The following KRTAP5-2 variants were observed in gnomAD, a reference collection of about 807,000 sequenced individuals.
The protein encoded by KRTAP5-2 is keratin associated protein 5-2.
For synonymous variants in KRTAP5-2, 79 were observed against 82.7 expected (o/e 0.96, Z 0.24); for missense variants, 188 against 212.8 (o/e 0.88, Z 0.73).
At position 1,597,861 on chromosome 11, in the gene KRTAP5-2, T is replaced by C. The variant is rs1454254859; in HGVS notation, c.390A>G (p.Ser130=). The C allele has an allele frequency of 6.2e-7, 1 of 1,613,054 alleles. No homozygotes were observed. Among genetic ancestry groups the C allele is most frequent in the African/African-American group, 1.3e-5 (1 of 74,488 alleles). ...TGCAGCAGCTGGACTGGCAGCAGGA[T>C]GATCCACAGCCTGAGGAGCAGCAAC... ...KPCCCSSGCG[S]SCCQSSCCKP... Residue 130 remains serine (S), a synonymous_variant, in exon 1 of 1, where the codon TCA becomes TCG. Coordinates refer to ENST00000412090, the MANE Select transcript of KRTAP5-2 (RefSeq NM_001004325.2).
Position 1,597,595 on chromosome 11 carries a change from T to C in KRTAP5-2, c.*122A>G. The C allele has an allele frequency of 6.8e-7, 1 of 1,473,372 alleles. No homozygotes were observed. Among genetic ancestry groups the C allele is most frequent in the South Asian group, 1.3e-5 (1 of 79,342 alleles). The allele number at this position is 1,473,372 out of a possible 1,614,324, so 91.3% of individuals were successfully genotyped here. A position where few individuals can be genotyped will look rare whatever the true frequency, so the allele number is the denominator to read the frequency against. ...TGAGCCATGGAAGGAGGTGTGTGCATGGATGGTGAGCTAGAGCAGGTGCAG... is the reference window on the plus strand; with the variant it reads ...TGAGCCATGGAAGGAGGTGTGTGCACGGATGGTGAGCTAGAGCAGGTGCAG... On this transcript the variant is annotated 3_prime_UTR_variant, in exon 1 of 1. Coordinates refer to ENST00000412090, the MANE Select transcript of KRTAP5-2 (RefSeq NM_001004325.2).
rs549555085 is a variant in KRTAP5-2 at position 1,597,912 on chromosome 11, G to A, written c.339C>T (p.Cys113=). 5 of 1,613,270 alleles carry A rather than the reference G, an allele frequency of 3.1e-6. No individual in the cohort carries two copies. The East Asian group carries it at 8.9e-5, about 29-fold the overall frequency. The change falls in exon 1 of 1, where the codon TGC becomes TGT. Residue 113 remains cysteine, a synonymous_variant. Coordinates refer to ENST00000412090, the MANE Select transcript of KRTAP5-2 (RefSeq NM_001004325.2). ...GSKGGCGSCG[C]SQSSCCKPCC... ...AGGGCTTACAACAGCTGGACTGGGA[G>A]CAGCCACAAGAACCACAGCCCCCCT...
At position 1,597,723 on chromosome 11, in the gene KRTAP5-2, C is replaced by T. The variant is rs771042603; in HGVS notation, c.528G>A (p.Lys176=). 1.4e-5 allele frequency: 22 copies of T among 1,614,210 alleles called. No individual in the cohort carries two copies. Among genetic ancestry groups the T allele is most frequent in the Non-Finnish European group, 1.7e-5 (20 of 1,180,028 alleles). ...NCCVPVCCQC[K]I is the part of the protein sequence containing the mutation. ...AAGGTCTGGGTCCAGAGCCTCAGATCTTACACTGGCAGCACACAGGGACAC... is the reference window on the plus strand; with the variant it reads ...AAGGTCTGGGTCCAGAGCCTCAGATTTTACACTGGCAGCACACAGGGACAC... Residue 176 remains lysine (K), a synonymous_variant, in exon 1 of 1, where the codon AAG becomes AAA. Transcript: ENST00000412090.
rs1452068834 is a variant in KRTAP5-2 at position 1,597,844 on chromosome 11, C to T, written c.407G>A (p.Ser136Asn). The T allele has an allele frequency of 6.2e-7, 1 of 1,613,990 alleles. No homozygotes were observed. Among genetic ancestry groups the T allele is most frequent in the East Asian group, 2.2e-5 (1 of 44,888 alleles). The change falls in exon 1 of 1, where the codon AGC becomes AAC. Residue 136 changes from serine to asparagine, a missense_variant. Transcript: ENST00000412090. ...SGCGSSCCQS[S>N]CCKPCCCQSS... The stretch of plus-strand genomic sequence containing the variant: ...CTGGCAGCAGCAGGGCTTGCAGCAG[C>T]TGGACTGGCAGCAGGATGATCCACA...
Position 1,597,710 on chromosome 11 carries a change from C to T in KRTAP5-2, c.*7G>A. 1 of 1,614,118 alleles carries T rather than the reference C, an allele frequency of 6.2e-7. No homozygotes were observed. The highest frequency in any genetic ancestry group is 1.3e-5 in the African/African-American group (1 of 75,034). On this transcript the variant is annotated 3_prime_UTR_variant, in exon 1 of 1. Coordinates refer to ENST00000412090, the MANE Select transcript of KRTAP5-2 (RefSeq NM_001004325.2). ...CAGGAGAAACCTGAAGGTCTGGGTC[C>T]AGAGCCTCAGATCTTACACTGGCAG...
chr11:1,597,790 T>C lies in KRTAP5-2; in HGVS notation c.461A>G (p.Gln154Arg). ...GCAACAGGGCTTGCAGCAGCTGGAC[T>C]GGCAGCACACGGGGACACAGCAGCT... ...QSSCCVPVCC[Q>R]SSCCKPCCCQ... The change falls in exon 1 of 1, where the codon CAG (glutamine) becomes CGG (arginine). Residue 154 changes from glutamine (Q) to arginine (R), a missense_variant. By Grantham distance (43) the Gln-to-Arg change is conservative. Coordinates refer to ENST00000412090, the MANE Select transcript of KRTAP5-2 (RefSeq NM_001004325.2). 1.2e-6 allele frequency: 2 copies of C among 1,613,854 alleles called. No homozygotes were observed. The highest frequency in any genetic ancestry group is 1.7e-6 in the Non-Finnish European group (2 of 1,179,858).
Position 1,598,086 on chromosome 11 carries a change from T to G in KRTAP5-2, c.165A>C (p.Arg55Ser), listed in dbSNP as rs1363784900. 3.1e-6 allele frequency: 5 copies of G among 1,606,680 alleles called. No individual in the cohort carries two copies. Among genetic ancestry groups the G allele is most frequent in the Non-Finnish European group, 4.2e-6 (5 of 1,178,930 alleles). The change falls in exon 1 of 1, where the codon AGA (arginine) becomes AGC (serine). Residue 55 changes from arginine to serine, a missense_variant. Transcript: ENST00000412090. The part of the protein sequence containing the change: ...CSSSCGGCGS[R>S]CYVPVCCCKP... ...TGCAGCAGCAGACAGGCACATAACATCTGGAGCCACATCCCCCACAGCTGG... is the reference window on the plus strand; with the variant it reads ...TGCAGCAGCAGACAGGCACATAACAGCTGGAGCCACATCCCCCACAGCTGG...
In KRTAP5-2 at chr11:1,598,208, C is replaced by T. The variant is rs1849321423; in HGVS notation, c.43G>A (p.Gly15Arg). 4 of 1,611,158 alleles carry T rather than the reference C, an allele frequency of 2.5e-6. No individual in the cohort carries two copies. The highest frequency in any genetic ancestry group is 3.3e-5 in the Admixed American group (2 of 59,938). ...CCCCCACAGCTGGAGCCACAGCCCC[C>T]ACAGCCGGAGCCACAGCCTCTGGAG... Reference protein sequence around the residue: ...GCSRGCGSGCGGCGSSCGGCG... With the variant: ...GCSRGCGSGCRGCGSSCGGCG... Residue 15 changes from glycine to arginine, a missense_variant, in exon 1 of 1, where the codon GGG becomes AGG. Gly to Arg is a moderately radical substitution (Grantham distance 125). Coordinates refer to ENST00000412090, the MANE Select transcript of KRTAP5-2 (RefSeq NM_001004325.2).
Position 1,597,759 on chromosome 11 carries a change from C to G in KRTAP5-2, c.492G>C (p.Gln164His). The change falls in exon 1 of 1, where the codon CAG becomes CAC. Residue 164 changes from glutamine to histidine, a missense_variant. Transcript: ENST00000412090. ...AGCACACAGGGACACAACAGTTGGA[C>G]TGGCAGCAACAGGGCTTGCAGCAGC... The part of the protein sequence containing the change: ...QSSCCKPCCC[Q>H]SNCCVPVCCQ... 6.2e-7 allele frequency: 1 copy of G among 1,614,118 alleles called. No individual in the cohort carries two copies. The highest frequency in any genetic ancestry group is 1.7e-5 in the Admixed American group (1 of 60,006).
chr11:1,598,223 A>C lies in KRTAP5-2; in HGVS notation c.28T>G (p.Cys10Gly). Residue 10 changes from cysteine to glycine, a missense_variant, in exon 1 of 1, where the codon TGT (cysteine) becomes GGT (glycine). By Grantham distance (159) the Cys-to-Gly change is radical. Coordinates refer to ENST00000412090, the MANE Select transcript of KRTAP5-2 (RefSeq NM_001004325.2). ...CCACAGCCCCCACAGCCGGAGCCAC[A>C]GCCTCTGGAGCAGCCACAGCAGCCC... is the stretch of plus-strand genomic sequence containing the variant. MGCCGCSRG[C>G]GSGCGGCGSS... is the part of the protein sequence containing the mutation. The C allele has an allele frequency of 6.2e-7, 1 of 1,610,804 alleles. No homozygotes were observed. Among genetic ancestry groups the C allele is most frequent in the Non-Finnish European group, 8.5e-7 (1 of 1,179,152 alleles).
rs531314390 is a variant in KRTAP5-2, at chr11:1,598,282, A to G, written c.-32T>C. 4.3e-6 allele frequency: 7 copies of G among 1,613,904 alleles called. No homozygotes were observed. The South Asian group carries it at 6.6e-5, about 15-fold the overall frequency. On this transcript the variant is annotated 5_prime_UTR_variant, in exon 1 of 1. Transcript: ENST00000412090. The stretch of plus-strand genomic sequence containing the variant: ...GGTGGATTGAGGGTGGAGCAGGTAG[A>G]GGAGCAGGTGAGAGGGAGGTGCAGG...
Position 1,597,260 on chromosome 11 carries a change from G to T in KRTAP5-2, c.*457C>A. ...TTTTTTTAAACAGATGGAGACAACAGGAAGGAAAGAGACCTTCCTGGTCAC... is the reference window on the plus strand; with the variant it reads ...TTTTTTTAAACAGATGGAGACAACATGAAGGAAAGAGACCTTCCTGGTCAC... On this transcript the variant is annotated 3_prime_UTR_variant, in exon 1 of 1. Coordinates refer to ENST00000412090, the MANE Select transcript of KRTAP5-2 (RefSeq NM_001004325.2). 1 of 186,676 alleles carries T rather than the reference G, an allele frequency of 5.4e-6. No individual in the cohort carries two copies. Among genetic ancestry groups the T allele is most frequent in the Non-Finnish European group, 1.1e-5 (1 of 87,910 alleles). The allele number at this position is 186,676 out of a possible 1,614,324, so 11.6% of individuals were successfully genotyped here. A position where few individuals can be genotyped will look rare whatever the true frequency, so the allele number is the denominator to read the frequency against.
chr11:1,597,806 C>T lies in KRTAP5-2; in HGVS notation c.445G>A (p.Val149Ile), dbSNP rs527259468. The change falls in exon 1 of 1, where the codon GTC becomes ATC. Residue 149 changes from valine to isoleucine, a missense_variant. Val to Ile is a conservative substitution (Grantham distance 29, BLOSUM62 3). Coordinates refer to ENST00000412090, the MANE Select transcript of KRTAP5-2 (RefSeq NM_001004325.2). ...KPCCCQSSCC[V>I]PVCCQSSCCK... ...CAGCTGGACTGGCAGCACACGGGGA[C>T]ACAGCAGCTGGACTGGCAGCAGCAG... 7 of 1,613,642 alleles carry T rather than the reference C, an allele frequency of 4.3e-6. 1 individual carries two copies. The South Asian group carries it at 6.6e-5, about 15-fold the overall frequency.
In KRTAP5-2 at chr11:1,598,119, G is replaced by A. The variant is rs375477674; in HGVS notation, c.132C>T (p.Gly44=). Residue 44 remains glycine, a synonymous_variant, in exon 1 of 1, where the codon GGC becomes GGT. Coordinates refer to ENST00000412090, the MANE Select transcript of KRTAP5-2 (RefSeq NM_001004325.2). ...CACATCCCCCACAGCTGGAGCTGCA[G>A]CCCCCACAGCCAGAGCCACAGCCCC... ...GRGGCGSGCG[G]CSSSCGGCGS... is the part of the protein sequence containing the mutation. The A allele has an allele frequency of 6.2e-7, 1 of 1,606,264 alleles. No homozygotes were observed.
In KRTAP5-2 at chr11:1,598,030, G is replaced by A. The variant is rs961671053; in HGVS notation, c.221C>T (p.Ser74Phe). Residue 74 changes from serine to phenylalanine, a missense_variant, in exon 1 of 1, where the codon TCC becomes TTC. Ser to Phe is a radical substitution (Grantham distance 155). Transcript: ENST00000412090. Reference protein sequence around the residue: ...KPVCSWVPACSCTSCGSCGGS... With the variant: ...KPVCSWVPACFCTSCGSCGGS... ...CCCACAGGAGCCACAGCTGGTGCAG[G>A]AACAGGCTGGCACCCAGGAGCACAC... The A allele has an allele frequency of 2.5e-6, 4 of 1,604,146 alleles. No homozygotes were observed. The highest frequency in any genetic ancestry group is 3.4e-6 in the Non-Finnish European group (4 of 1,178,006).
chr11:1,597,536 G>T lies in KRTAP5-2; in HGVS notation c.*181C>A. ...CATCAGGGAAACACACGTTTCTGGA[G>T]TGAGGAGGCTGAAGGCAGGGCCCAG... On this transcript the variant is annotated 3_prime_UTR_variant, in exon 1 of 1. Transcript: ENST00000412090. 9.9e-7 allele frequency: 1 copy of T among 1,010,460 alleles called. No individual in the cohort carries two copies. Among genetic ancestry groups the T allele is most frequent in the Non-Finnish European group, 1.5e-6 (1 of 688,518 alleles). 62.6% of individuals were successfully genotyped at this position (1,010,460 alleles called of 1,614,324 possible).
At position 1,597,320 on chromosome 11, in the gene KRTAP5-2, A is replaced by C. The variant is rs1849298681; in HGVS notation, c.*397T>G. The C allele has an allele frequency of 3.7e-6, 1 of 267,554 alleles. No individual in the cohort carries two copies. The highest frequency in any genetic ancestry group is 7.3e-6 in the Non-Finnish European group (1 of 136,676). 16.6% of individuals were successfully genotyped at this position (267,554 alleles called of 1,614,324 possible). ...ACAGGAGAACAGGCAGCGGCCCAGG[A>C]GGATCCAGGGTCCTGATGGTGGTTG... is the stretch of plus-strand genomic sequence containing the variant. On this transcript the variant is annotated 3_prime_UTR_variant, in exon 1 of 1. Transcript: ENST00000412090.
chr11:1,598,120 C>A lies in KRTAP5-2; in HGVS notation c.131G>T (p.Gly44Val). Residue 44 changes from glycine to valine, a missense_variant, in exon 1 of 1, where the codon GGC (glycine) becomes GTC (valine). Transcript: ENST00000412090. ...ACATCCCCCACAGCTGGAGCTGCAG[C>A]CCCCACAGCCAGAGCCACAGCCCCC... is the stretch of plus-strand genomic sequence containing the variant. ...GRGGCGSGCG[G>V]CSSSCGGCGS... 6.2e-7 allele frequency: 1 copy of A among 1,608,048 alleles called. No homozygotes were observed.
rs368764083 is a variant in KRTAP5-2 at position 1,598,215 on chromosome 11, G to C, written c.36C>G (p.Ser12=). The part of the protein sequence containing the change: ...GCCGCSRGCG[S]GCGGCGSSCG... ...AGCTGGAGCCACAGCCCCCACAGCCGGAGCCACAGCCTCTGGAGCAGCCAC... is the reference window on the plus strand; with the variant it reads ...AGCTGGAGCCACAGCCCCCACAGCCCGAGCCACAGCCTCTGGAGCAGCCAC... The change falls in exon 1 of 1, where the codon TCC becomes TCG. Residue 12 remains serine, a synonymous_variant. Coordinates refer to ENST00000412090, the MANE Select transcript of KRTAP5-2 (RefSeq NM_001004325.2). The C allele has an allele frequency of 6.2e-7, 1 of 1,608,838 alleles. No homozygotes were observed. Among genetic ancestry groups the C allele is most frequent in the East Asian group, 2.2e-5 (1 of 44,602 alleles).
Sources: allele counts gnomAD v4.1 joint callset, GRCh38; gene constraint gnomAD v4.1.1; transcripts MANE v1.5; gene names NCBI Gene and HGNC (gene_info 2026-07-23, HGNC 2026-07-21).